LRRC4C: variants seen among roughly 807,000 people sequenced by gnomAD.
The protein encoded by LRRC4C is leucine rich repeat containing 4C, also known as leucine-rich repeat-containing protein 4C.
LRRC4C carries 5 observed loss-of-function variants against 33.6 expected under a neutral mutation model. The ratio of observed to expected loss-of-function variants is 0.15; its 90% CI spans 0.08 to 0.31. The LOEUF (loss-of-function observed/expected upper bound fraction) is 0.31. LRRC4C is among the 10% of genes least tolerant of loss of function. LRRC4C has a pLI of 1.00. For synonymous variants in LRRC4C, 329 were observed against 302.0 expected (o/e 1.09, Z -0.93); for missense variants, 560 against 796.7 (o/e 0.70, Z 3.58).
chr11:40,222,503 T>C (rs1864491410), intron 5 of LRRC4C, among the ~76,000 whole-genome samples: 1 of 152,184 alleles, frequency 6.6e-6, no homozygotes, highest in Non-Finnish European at 1.5e-5. Context: ...CATTAAATCT[T>C]CTTTATAAAC....
In LRRC4C at chr11:40,692,579, C is replaced by CT. The variant is rs35569861; in HGVS notation, c.-406-44302dup. Among the ~76,000 whole-genome samples the CT allele has an allele frequency of 5.0e-4, 75 of 150,506 alleles. 1 individual carries two copies. The highest frequency in any genetic ancestry group is 1.6e-3 in the Admixed American group (24 of 15,026). On this transcript the variant is annotated intron_variant, in intron 2 of 6. Coordinates refer to ENST00000528697, the MANE Select transcript of LRRC4C (RefSeq NM_001258419.2). ...AGATGAATGGGGTGGAAGAAAAGCC[C>CT]TTTTTTTTTGCTAACCAATTCTAAA...
intron 3 of LRRC4C, among the ~76,000 whole-genome samples, chr11:40,352,126 C>T (rs866260471): frequency 8.1e-5 from 7 of 86,582 alleles, no homozygotes; most frequent in Non-Finnish European, 1.7e-4. Flanking sequence ...TTCCTTCCTT[C>T]CTTCCTTCCT....
chr11:40,442,492 T>G (rs1336096388), intron 3 of LRRC4C, among the ~76,000 whole-genome samples: 1 of 152,112 alleles, frequency 6.6e-6, no homozygotes, highest in African/African-American at 2.4e-5. Context: ...TGTGATAAGA[T>G]AAATGCTAGG....
chr11:41,242,546 G>A (rs1161926482), intron 1 of LRRC4C, among the ~76,000 whole-genome samples: 1 of 152,044 alleles, frequency 6.6e-6, no homozygotes, highest in Non-Finnish European at 1.5e-5. Context: ...TACTCATCAT[G>A]TATAGAGGAA....
At chr11:41,010,330 A>G (rs1030054371) in intron 1 of LRRC4C, among the ~76,000 whole-genome samples, 1 of 152,142 alleles carries the variant, frequency 6.6e-6, no homozygotes, top group Non-Finnish European at 1.5e-5. Flanking sequence ...TGTTTTTTAA[A>G]TTAAATGAAT....
intron 1 of LRRC4C, among the ~76,000 whole-genome samples, chr11:41,327,385 T>C (rs1951154761): frequency 6.6e-6 from 1 of 152,180 alleles, no homozygotes; most frequent in Admixed American, 6.5e-5. Context: ...TCCTTTGATA[T>C]GTTAGTGTAC....
In LRRC4C at chr11:40,812,723, T is replaced by C. The variant is rs550585329; in HGVS notation, c.-407+120912A>G. ...TCCCAGTATAGAATTTAATTTTCAT[T>C]TATCCTAAAAGCAGCTTCTGTGGAT... On this transcript the variant is annotated intron_variant, in intron 2 of 6. Coordinates refer to ENST00000528697, the MANE Select transcript of LRRC4C (RefSeq NM_001258419.2). Among the ~76,000 whole-genome samples, 349 of 152,308 alleles carry C rather than the reference T, an allele frequency of 2.3e-3. 2 individuals are homozygous for C. The highest frequency in any genetic ancestry group is 8.1e-3 in the African/African-American group (337 of 41,568).
chr11:40,377,851 G>A (rs1948719775), intron 3 of LRRC4C, among the ~76,000 whole-genome samples: 2 of 152,070 alleles, frequency 1.3e-5, no homozygotes, highest in South Asian at 4.1e-4. Context: ...TGATAAAATT[G>A]AGGGAGTGCT....
At chr11:40,118,816 C>T (rs1480824482) in intron 6 of LRRC4C, among the ~76,000 whole-genome samples, 1 of 152,090 alleles carries the variant, frequency 6.6e-6, no homozygotes, top group East Asian at 1.9e-4. Context: ...ATAGTGCAGG[C>T]AACATGTTTT....
intron 5 of LRRC4C, among the ~76,000 whole-genome samples, chr11:40,219,749 TG>T (rs1455218090): frequency 6.7e-6 from 1 of 148,388 alleles, no homozygotes; most frequent in Non-Finnish European, 1.5e-5. Flanking sequence ...ATTGGGGGGG[TG>T]GATATAGATC....
chr11:41,402,824 C>T (rs541602756), intron 1 of LRRC4C, among the ~76,000 whole-genome samples: 36 of 152,008 alleles, frequency 2.4e-4, no homozygotes, highest in African/African-American at 7.2e-4. Flanking sequence ...GAACTATATA[C>T]CTTAAGCATA....
intron 2 of LRRC4C, among the ~76,000 whole-genome samples, chr11:40,713,810 CCAAA>C (rs1377235525): frequency 1.8e-4 from 28 of 152,012 alleles, no homozygotes; most frequent in Admixed American, 5.2e-4. Flanking sequence ...ATGTTTCACC[CCAAA>C]CAAAGAGACT....
intron 3 of LRRC4C, among the ~76,000 whole-genome samples, chr11:40,467,251 T>C (rs1278568377): frequency 6.6e-6 from 1 of 152,170 alleles, no homozygotes; most frequent in Non-Finnish European, 1.5e-5. Flanking sequence ...CTTTTCTCTG[T>C]TTAAAAATTT....
chr11:40,832,803 T>C (rs1591831593), intron 2 of LRRC4C, among the ~76,000 whole-genome samples: 1 of 152,250 alleles, frequency 6.6e-6, no homozygotes, highest in East Asian at 1.9e-4. Context: ...TAGAATGAGG[T>C]AGTACATTGG....
At chr11:40,774,707 T>C (rs1461984482) in intron 2 of LRRC4C, among the ~76,000 whole-genome samples, 2 of 152,182 alleles carry the variant, frequency 1.3e-5, no homozygotes, top group Admixed American at 6.5e-5. Context: ...TACTCAACTT[T>C]ATATTGGAAA....
At chr11:40,675,065 A>T (rs1175331799) in intron 2 of LRRC4C, among the ~76,000 whole-genome samples, 1 of 152,186 alleles carries the variant, frequency 6.6e-6, no homozygotes, top group Non-Finnish European at 1.5e-5. Context: ...CAGAACTTCT[A>T]TCTTGTGTTA....
intron 5 of LRRC4C, among the ~76,000 whole-genome samples, chr11:40,179,768 C>A: frequency 6.6e-6 from 1 of 152,280 alleles, no homozygotes; most frequent in Non-Finnish European, 1.5e-5. Context: ...AAAACTAAAG[C>A]ATACAACCTC....
At chr11:40,991,483 A>G (rs1363664454) in intron 1 of LRRC4C, among the ~76,000 whole-genome samples, 1 of 152,132 alleles carries the variant, frequency 6.6e-6, no homozygotes, top group Non-Finnish European at 1.5e-5. Flanking sequence ...TCTGGGAGTG[A>G]CTGTTGGTGG....
intron 3 of LRRC4C, among the ~76,000 whole-genome samples, chr11:40,618,640 C>G (rs1214508497): frequency 6.6e-6 from 1 of 151,766 alleles, no homozygotes; most frequent in Non-Finnish European, 1.5e-5. Context: ...CTCTCTCAAT[C>G]CATTTTTGGA....
Sources: gnomAD v4.1 joint callset for allele counts (sites outside exome capture counted in the v4.1 genomes callset) on GRCh38, gnomAD v4.1.1 for gene constraint, MANE v1.5 for transcripts, NCBI Gene and HGNC (gene_info 2026-07-23, HGNC 2026-07-21) for gene names.